MND1: variants seen among roughly 807,000 people sequenced by gnomAD.
The protein encoded by MND1 is meiotic nuclear division protein 1 homolog.
Under a neutral mutation model 35.1 loss-of-function variants are expected in MND1, and 28 were observed. The ratio of observed to expected loss-of-function variants is 0.80; its 90% CI spans 0.59 to 1.09. The LOEUF (loss-of-function observed/expected upper bound fraction) is 1.09, where lower values mean the gene tolerates loss of function less well. MND1 is among the 50% of genes least tolerant of loss of function. The pLI is 0.00. For missense variants in MND1, 213 were observed against 239.6 expected (o/e 0.89, Z 0.73); for synonymous variants, 69 against 70.5 (o/e 0.98, Z 0.11).
In MND1 at chr4:153,393,924, C is replaced by CTTTTTTTT. The variant is rs36028750; in HGVS notation, c.277-321_277-314dup. On this transcript the variant is annotated intron_variant, in intron 4 of 7. Coordinates refer to ENST00000240488, the MANE Select transcript of MND1 (RefSeq NM_032117.4). ...CCAGTATAGTGTTTGACTTTGTTTT[C>CTTTTTTTT]TTTTTTTTTTTTTTTTTTTTTTTTG... 5.1e-3 allele frequency among the ~76,000 whole-genome samples: 288 copies of CTTTTTTTT among 56,478 alleles called. 27 individuals carry two copies. The highest frequency in any genetic ancestry group is 9.5e-3 in the African/African-American group (133 of 14,060). The allele number at this position is 56,478 out of a possible 152,430, so 37.1% of individuals were successfully genotyped here.
At chr4:153,396,927 T>A (rs1183740607) in intron 5 of MND1, among the ~76,000 whole-genome samples, 3 of 152,270 alleles carry the variant, frequency 2.0e-5, no homozygotes, top group Admixed American at 6.5e-5. Context: ...GACATGGTCA[T>A]CTTAGAGTTC....
At position 153,406,047 on chromosome 4, in the gene MND1, G is replaced by A. The variant is rs556439098; in HGVS notation, c.467-2924G>A. On this transcript the variant is annotated intron_variant, in intron 6 of 7. Coordinates refer to ENST00000240488, the MANE Select transcript of MND1 (RefSeq NM_032117.4). ...CTTGATCTGACCTCGTGATCTGCCC[G>A]TCTCGGCCTCCCAAAGTGCTGGGAT... Among the ~76,000 whole-genome samples the A allele has an allele frequency of 5.8e-4, 88 of 152,158 alleles. 2 individuals carry two copies. The highest frequency in any genetic ancestry group is 1.8e-3 in the African/African-American group (76 of 41,538).
At chr4:153,371,762 TTTAATTTCTTTCAG>T (rs1162526032) in intron 4 of MND1, among the ~76,000 whole-genome samples, 1 of 152,130 alleles carries the variant, frequency 6.6e-6, no homozygotes, top group East Asian at 1.9e-4. Flanking sequence ...GATTAGCACT[TTTAATTTCTTTCAG>T]GAACTTTTCC....
At chr4:153,413,072 A>G (rs1335016400) in intron 7 of MND1, among the ~76,000 whole-genome samples, 1 of 152,022 alleles carries the variant, frequency 6.6e-6, no homozygotes, top group Non-Finnish European at 1.5e-5. Context: ...TACCAATCCT[A>G]CTGGATTAGG....
intron 4 of MND1, among the ~76,000 whole-genome samples, chr4:153,371,589 C>G (rs1773790246): frequency 6.6e-6 from 1 of 152,066 alleles, no homozygotes; most frequent in African/African-American, 2.4e-5. Flanking sequence ...GCTTCCTCAC[C>G]TCTCAGCCTA....
intron 6 of MND1, among the ~76,000 whole-genome samples, chr4:153,399,278 A>G (rs528280142): frequency 2.6e-5 from 4 of 152,238 alleles, no homozygotes; most frequent in African/African-American, 4.8e-5. Context: ...TTTCCACTCC[A>G]TGGTCCCTAT....
intron 1 of MND1, 142 bp downstream of exon 1, chr4:153,344,882 G>A: frequency 1.5e-6 from 2 of 1,376,544 alleles, no homozygotes; most frequent in Admixed American, 2.5e-5. Flanking sequence ...CGGCCTCACC[G>A]TGTAGGGGCC....
chr4:153,349,501 T>C (rs1773159616), intron 1 of MND1, among the ~76,000 whole-genome samples: 1 of 152,158 alleles, frequency 6.6e-6, no homozygotes, highest in African/African-American at 2.4e-5. Flanking sequence ...CATCTGCCAA[T>C]CCCCCTACAT....
At chr4:153,390,353 A>T (rs954613142) in intron 4 of MND1, among the ~76,000 whole-genome samples, 10 of 152,222 alleles carry the variant, frequency 6.6e-5, no homozygotes, top group Non-Finnish European at 1.5e-4. Flanking sequence ...CTTTAATAAC[A>T]TCATTTGGAT....
At chr4:153,362,955 T>C (rs1034265971) in intron 4 of MND1, 1 of 968,608 alleles carries the variant, frequency 1.0e-6, no homozygotes, top group Non-Finnish European at 1.2e-6. Context: ...TGTCTATACA[T>C]GGCATGGATT....
At chr4:153,367,206 T>C (rs963063355) in intron 4 of MND1, among the ~76,000 whole-genome samples, 1 of 152,210 alleles carries the variant, frequency 6.6e-6, no homozygotes, top group African/African-American at 2.4e-5. Context: ...TTTTAATATG[T>C]TCATTGATAG....
At chr4:153,370,143 G>A (rs796398424) in intron 4 of MND1, among the ~76,000 whole-genome samples, 43 of 151,990 alleles carry the variant, frequency 2.8e-4, no homozygotes, top group African/African-American at 1.0e-3. Flanking sequence ...TCAGCCGGAC[G>A]TGGTGGCATA....
chr4:153,397,245 G>C lies in MND1; in HGVS notation c.378G>C (p.Glu126Asp). ...AAGAGCGAACCAGGCTAGCAAAAGAGCTTTCTTCACTTCGAGACCAAAGGG... is the reference window on the plus strand; with the variant it reads ...AAGAGCGAACCAGGCTAGCAAAAGACCTTTCTTCACTTCGAGACCAAAGGG... ...ETEERTRLAKELSSLRDQREQ... is the reference protein window; with the variant it reads ...ETEERTRLAKDLSSLRDQREQ... Residue 126 changes from glutamate (E) to aspartate (D), a missense_variant, in exon 6 of 8, where the codon GAG becomes GAC. Transcript: ENST00000240488. The C allele has an allele frequency of 6.2e-7, 1 of 1,612,436 alleles. No individual in the cohort carries two copies. The highest frequency in any genetic ancestry group is 8.5e-7 in the Non-Finnish European group (1 of 1,179,132).
chr4:153,402,358 A>C (rs553779329), intron 6 of MND1, among the ~76,000 whole-genome samples: 2 of 152,358 alleles, frequency 1.3e-5, no homozygotes, highest in South Asian at 4.1e-4. Flanking sequence ...AAATGCCAGG[A>C]TGACAGTAAA....
At position 153,393,924 on chromosome 4, in the gene MND1, C is replaced by CTTTTTTTTTTTTTTTT. The variant is rs36028750; in HGVS notation, c.277-329_277-314dup. ...CCAGTATAGTGTTTGACTTTGTTTT[C>CTTTTTTTTTTTTTTTT]TTTTTTTTTTTTTTTTTTTTTTTTG... On this transcript the variant is annotated intron_variant, in intron 4 of 7. Transcript: ENST00000240488. Among the ~76,000 whole-genome samples the CTTTTTTTTTTTTTTTT allele has an allele frequency of 3.0e-4, 17 of 56,464 alleles. 2 individuals are homozygous for CTTTTTTTTTTTTTTTT. Among genetic ancestry groups the CTTTTTTTTTTTTTTTT allele is most frequent in the African/African-American group, 1.1e-3 (16 of 14,048 alleles). The allele number at this position is 56,464 out of a possible 152,430, so 37.0% of individuals were successfully genotyped here.
intron 4 of MND1, among the ~76,000 whole-genome samples, chr4:153,389,406 G>A (rs1728959383): frequency 6.6e-6 from 1 of 151,936 alleles, no homozygotes; most frequent in Non-Finnish European, 1.5e-5. Context: ...TTTCACCCAG[G>A]CTGGAGTGCA....
At chr4:153,369,888 A>G (rs929847466) in intron 4 of MND1, among the ~76,000 whole-genome samples, 8 of 152,102 alleles carry the variant, frequency 5.3e-5, no homozygotes, top group Non-Finnish European at 4.4e-5. Context: ...AGTTTCAGGA[A>G]TATTCTAAAT....
At chr4:153,374,426 GC>G (rs1245520330) in intron 4 of MND1, among the ~76,000 whole-genome samples, 1 of 152,110 alleles carries the variant, frequency 6.6e-6, no homozygotes, top group Non-Finnish European at 1.5e-5. Context: ...ATGCCAGACT[GC>G]CTAAATGAGC....
intron 4 of MND1, among the ~76,000 whole-genome samples, chr4:153,380,392 A>G (rs1317855465): frequency 6.6e-6 from 1 of 152,222 alleles, no homozygotes; most frequent in Non-Finnish European, 1.5e-5. Flanking sequence ...CAAAGCAGAA[A>G]GAAAGATGAA....
Sources: gnomAD v4.1 joint callset for allele counts (sites outside exome capture counted in the v4.1 genomes callset) on GRCh38, gnomAD v4.1.1 for gene constraint, MANE v1.5 for transcripts, NCBI Gene and HGNC (gene_info 2026-07-23, HGNC 2026-07-21) for gene names.